Variants in KCNQ3 observed in about 807,000 individuals in gnomAD.
KCNQ3 encodes the protein potassium voltage-gated channel subfamily KQT member 3.
A neutral mutation model predicts 92.5 loss-of-function variants in KCNQ3; 30 were observed. The observed-to-expected ratio is 0.32, with a 90% CI of 0.24 to 0.44. KCNQ3 has a LOEUF of 0.44. KCNQ3 is among the 20% of genes least tolerant of loss of function. KCNQ3 has a pLI of 1.00. For synonymous variants in KCNQ3, 450 were observed against 468.8 expected, an observed-to-expected ratio of 0.96 and a Z score of 0.52; for missense variants, 913 against 1,140.3, an observed-to-expected ratio of 0.80 and a Z score of 2.87.
chr8:132,333,453 C>A (rs912233969), intron 1 of KCNQ3, among the ~76,000 whole-genome samples: 3 of 152,308 alleles, frequency 2.0e-5, no homozygotes, highest in Admixed American at 6.5e-5. Flanking sequence ...TGGGAGTCAG[C>A]ATTTTAAGGA....
intron 1 of KCNQ3, among the ~76,000 whole-genome samples, chr8:132,329,738 A>G (rs1413032643): frequency 6.6e-6 from 1 of 152,174 alleles, no homozygotes; most frequent in East Asian, 1.9e-4. Context: ...TCTAGCTTTG[A>G]CACAGTGTTC....
chr8:132,353,377 T>G (rs1818931419), intron 1 of KCNQ3, among the ~76,000 whole-genome samples: 1 of 152,046 alleles, frequency 6.6e-6, no homozygotes, highest in African/African-American at 2.4e-5. Context: ...AAAAAAATAT[T>G]GATCGACAAC....
At chr8:132,259,659 G>A (rs4736566) in intron 1 of KCNQ3, among the ~76,000 whole-genome samples, 6 of 151,828 alleles carry the variant, frequency 4.0e-5, no homozygotes, top group Non-Finnish European at 8.8e-5. Flanking sequence ...TCAGGACAAT[G>A]AGGCAAGAAA....
At chr8:132,152,458 G>A (rs1452303568) in intron 9 of KCNQ3, among the ~76,000 whole-genome samples, 3 of 152,158 alleles carry the variant, frequency 2.0e-5, no homozygotes, top group Non-Finnish European at 2.9e-5. Context: ...CTAGTTGTGA[G>A]TATTCTCTAC....
chr8:132,461,342 T>A (rs1353341958), intron 1 of KCNQ3, among the ~76,000 whole-genome samples: 1 of 152,104 alleles, frequency 6.6e-6, no homozygotes, highest in East Asian at 1.9e-4. Flanking sequence ...GGCGGGTAGA[T>A]CACATGAGGT....
chr8:132,341,564 G>A (rs997155726), intron 1 of KCNQ3, among the ~76,000 whole-genome samples: 1 of 152,132 alleles, frequency 6.6e-6, no homozygotes, highest in Non-Finnish European at 1.5e-5. Flanking sequence ...ATAACTGAAC[G>A]AATGAATGAA....
intron 1 of KCNQ3, among the ~76,000 whole-genome samples, chr8:132,342,625 T>C (rs557190153): frequency 3.3e-5 from 5 of 152,372 alleles, no homozygotes; most frequent in African/African-American, 1.2e-4. Context: ...TTGCTCTCTT[T>C]AGAGAAACTA....
chr8:132,213,658 A>G (rs36088495), intron 1 of KCNQ3, among the ~76,000 whole-genome samples: 48,600 of 152,038 alleles, frequency 0.32, 9,479 homozygotes, highest in Middle Eastern at 0.46. Flanking sequence ...GGCTTAGAGG[A>G]TGAGGAGAGA....
intron 1 of KCNQ3, among the ~76,000 whole-genome samples, chr8:132,335,749 C>T (rs1251756528): frequency 6.6e-6 from 1 of 152,160 alleles, no homozygotes. Flanking sequence ...CTGTATCAGG[C>T]TATGGGGTAT....
At chr8:132,414,949 C>T (rs1586999455) in intron 1 of KCNQ3, among the ~76,000 whole-genome samples, 1 of 152,148 alleles carries the variant, frequency 6.6e-6, no homozygotes, top group African/African-American at 2.4e-5. Context: ...GTTAGGGCTC[C>T]GAGCCCCAGA....
intron 1 of KCNQ3, among the ~76,000 whole-genome samples, chr8:132,376,863 T>C (rs545694336): frequency 6.6e-6 from 1 of 152,184 alleles, no homozygotes; most frequent in East Asian, 1.9e-4. Context: ...AGCAGAGCAC[T>C]AGTCCTGTGC....
intron 1 of KCNQ3, among the ~76,000 whole-genome samples, chr8:132,330,790 A>G (rs1213063995): frequency 6.6e-6 from 1 of 152,220 alleles, no homozygotes; most frequent in Non-Finnish European, 1.5e-5. Context: ...AAGATGCAGC[A>G]GCTGTCAGGC....
At chr8:132,389,896 C>T (rs1200082418) in intron 1 of KCNQ3, among the ~76,000 whole-genome samples, 5 of 152,216 alleles carry the variant, frequency 3.3e-5, no homozygotes, top group African/African-American at 1.2e-4. Context: ...TTAATGTACC[C>T]TTTAACCAGC....
chr8:132,137,657 A>G (rs1481589325), intron 12 of KCNQ3, among the ~76,000 whole-genome samples: 1 of 152,206 alleles, frequency 6.6e-6, no homozygotes, highest in Non-Finnish European at 1.5e-5. Context: ...CCTCTCTGAC[A>G]GGCCTGATCA....
At chr8:132,142,047 G>C (rs1254861562) in intron 9 of KCNQ3, among the ~76,000 whole-genome samples, 1 of 152,014 alleles carries the variant, frequency 6.6e-6, no homozygotes, top group Non-Finnish European at 1.5e-5. Context: ...AAATTATGGT[G>C]GTATTCAATC....
rs1358743863 is a variant in KCNQ3 at position 132,446,359 on chromosome 8, G to A, written c.386+33788C>T. ...TGCCACACATTAGCTTGACCTGAGA[G>A]CACCCTGCCTGGAAATGAACAGATC... On this transcript the variant is annotated intron_variant, in intron 1 of 14. Coordinates refer to ENST00000388996, the MANE Select transcript of KCNQ3 (RefSeq NM_004519.4). 5.3e-5 allele frequency among the ~76,000 whole-genome samples: 8 copies of A among 152,192 alleles called. 1 individual carries two copies. The highest frequency in any genetic ancestry group is 5.2e-4 in the Admixed American group (8 of 15,282).
At chr8:132,376,516 C>T (rs918694493) in intron 1 of KCNQ3, among the ~76,000 whole-genome samples, 15 of 152,246 alleles carry the variant, frequency 9.9e-5, no homozygotes, top group South Asian at 6.2e-4. Context: ...TTTCAGGCAA[C>T]GAAGCCTACA....
rs117384650 is a variant in KCNQ3 at position 132,238,801 on chromosome 8, G to T, written c.387-52620C>A. Among the ~76,000 whole-genome samples the T allele has an allele frequency of 2.2e-4, 33 of 152,268 alleles. No individual in the cohort carries two copies. In the East Asian group the frequency reaches 5.8e-3, roughly 27 times the overall value. ...TCTGTTTTCCCAGCTTGGGTTAGGG[G>T]TCCATCCCCAGCCCAATGCTGTGTA... is the stretch of plus-strand genomic sequence containing the variant. On this transcript the variant is annotated intron_variant, in intron 1 of 14. Transcript: ENST00000388996.
At chr8:132,338,881 T>G (rs896697359) in intron 1 of KCNQ3, among the ~76,000 whole-genome samples, 1 of 152,140 alleles carries the variant, frequency 6.6e-6, no homozygotes, top group African/African-American at 2.4e-5. Flanking sequence ...CAGTGAGCCT[T>G]CTCTTAATGG....
Sources: allele counts gnomAD v4.1 joint callset (sites outside exome capture counted in the v4.1 genomes callset), GRCh38; gene constraint gnomAD v4.1.1; transcripts MANE v1.5; gene names NCBI Gene and HGNC (gene_info 2026-07-23, HGNC 2026-07-21).